CCNE2: variants seen among roughly 807,000 people sequenced by gnomAD.
CCNE2 encodes the protein G1/S-specific cyclin-E2.
CCNE2 carries 18 observed loss-of-function variants against 56.8 expected under a neutral mutation model. That is an observed-to-expected ratio of 0.32 (90% CI 0.22 to 0.47). CCNE2 has a LOEUF of 0.47. Among genes scored for constraint, CCNE2 ranks in the 20% least tolerant of loss-of-function variants. The probability of loss-of-function intolerance (pLI) is 1.00; values close to 1 mark genes in which losing one functional copy is unlikely to be tolerated. For missense variants in CCNE2, 371 were observed against 467.1 expected (o/e 0.79, Z 1.90); for synonymous variants, 139 against 149.2 (o/e 0.93, Z 0.50).
At position 94,880,843 on chromosome 8, in the gene CCNE2, T is replaced by C. The variant is rs1816782514; in HGVS notation, c.*789A>G. On this transcript the variant is annotated 3_prime_UTR_variant, in exon 12 of 12. Transcript: ENST00000308108. ...TAAATAGTTTGAAAGGGTACTTAAG[T>C]TTTTCACCCAAATTGTGATATACAA... is the stretch of plus-strand genomic sequence containing the variant. 5.0e-6 allele frequency: 2 copies of C among 398,552 alleles called. No individual in the cohort carries two copies. Among genetic ancestry groups the C allele is most frequent in the East Asian group, 7.1e-5 (2 of 27,986 alleles). The allele number at this position is 398,552 out of a possible 1,614,324, so 24.7% of individuals were successfully genotyped here. A position where few individuals can be genotyped will look rare whatever the true frequency, so the allele number is the denominator to read the frequency against.
chr8:94,881,056 T>C lies in CCNE2; in HGVS notation c.*576A>G, dbSNP rs1816790279. The C allele has an allele frequency of 5.0e-6, 2 of 398,200 alleles. No homozygotes were observed. Among genetic ancestry groups the C allele is most frequent in the East Asian group, 3.6e-5 (1 of 27,996 alleles). 24.7% of individuals were successfully genotyped at this position (398,200 alleles called of 1,614,324 possible). On this transcript the variant is annotated 3_prime_UTR_variant, in exon 12 of 12. Transcript: ENST00000308108. The stretch of plus-strand genomic sequence containing the variant: ...GGCAAATAAACTAGTTTAAAAAACA[T>C]TAAATTTCACCATTTGTAGAAATTC...
intron 5 of CCNE2, chr8:94,891,711 A>T: frequency 1.4e-6 from 1 of 733,328 alleles, no homozygotes; most frequent in Non-Finnish European, 2.3e-6. Context: ...ATGTCACTTT[A>T]CAGAAACAGC....
At chr8:94,890,596 T>G in intron 5 of CCNE2, 46 bp from the exon 6 acceptor site, 1 of 361,208 alleles carries the variant, frequency 2.8e-6, no homozygotes, top group Non-Finnish European at 3.8e-6. Context: ...TATATATTTT[T>G]TTTTTTTTTT....
At chr8:94,890,664 C>T (rs1379732640) in intron 5 of CCNE2, 114 bp from the exon 6 acceptor site, 4 of 253,772 alleles carry the variant, frequency 1.6e-5, no homozygotes, top group Non-Finnish European at 2.7e-5. Context: ...ACAATCTTGG[C>T]TCACTGTAAT....
chr8:94,895,317 T>G, upstream of CCNE2: 8 of 920,848 alleles, frequency 8.7e-6, no homozygotes, highest in African/African-American at 1.8e-5. Context: ...TCCGCCCGCG[T>G]GCCCGCGCGC....
chr8:94,894,955 T>C (rs956854708), intron 1 of CCNE2, among the ~76,000 whole-genome samples: 2 of 152,114 alleles, frequency 1.3e-5, no homozygotes, highest in Non-Finnish European at 2.9e-5. Context: ...GAGGGTGGGA[T>C]AGAGAAGCCC....
intron 7 of CCNE2, among the ~76,000 whole-genome samples, chr8:94,886,562 A>G (rs550316590): frequency 1.3e-5 from 2 of 151,110 alleles, no homozygotes; most frequent in African/African-American, 4.9e-5. Flanking sequence ...ATAGCCAGGC[A>G]TGGTGGTGGA....
rs1816815740 is a variant in CCNE2 at position 94,881,598 on chromosome 8, G to C, written c.*34C>G. On this transcript the variant is annotated 3_prime_UTR_variant, in exon 12 of 12. Coordinates refer to ENST00000308108, the MANE Select transcript of CCNE2 (RefSeq NM_057749.3). Reference sequence around the variant, plus strand: ...AGTGATACCAGTTCTACCCAATCTTGGTGAATTCCAACTTGTTTGCTTAGT... The same window carrying C: ...AGTGATACCAGTTCTACCCAATCTTCGTGAATTCCAACTTGTTTGCTTAGT... The C allele has an allele frequency of 6.2e-7, 1 of 1,606,920 alleles. No homozygotes were observed. The highest frequency in any genetic ancestry group is 1.3e-5 in the African/African-American group (1 of 74,432).
At position 94,880,390 on chromosome 8, in the gene CCNE2, C is replaced by A; in HGVS notation, c.*1242G>T. On this transcript the variant is annotated 3_prime_UTR_variant, in exon 12 of 12. Transcript: ENST00000308108. ...AATATTAGTTTAAAAACAAACTATA[C>A]AGAAGACTTCATACCGTAACAATAA... 2.1e-6 allele frequency: 1 copy of A among 487,696 alleles called. No individual in the cohort carries two copies. 30.2% of individuals were successfully genotyped at this position (487,696 alleles called of 1,614,324 possible). A position where few individuals can be genotyped will look rare whatever the true frequency, so the allele number is the denominator to read the frequency against.
rs990110106 is a variant in CCNE2, at chr8:94,894,305, T to C, written c.-26-58A>G. The C allele has an allele frequency of 8.8e-5, 138 of 1,566,942 alleles. No homozygotes were observed. The Middle Eastern group carries it at 2.5e-3, about 28-fold the overall frequency. The stretch of plus-strand genomic sequence containing the variant: ...TACATTGTCATTCACATTCTCCAAG[T>C]GCCAGTAAGACGCTGATTCGCAGGT... On this transcript the variant is annotated intron_variant, in intron 1 of 11. Coordinates refer to ENST00000308108, the MANE Select transcript of CCNE2 (RefSeq NM_057749.3).
rs1477872973 is a variant in CCNE2, at chr8:94,881,452, A to AAT, written c.*179_*180insAT. 5 of 589,868 alleles carry AAT rather than the reference A, an allele frequency of 8.5e-6. No homozygotes were observed. In the African/African-American group the frequency reaches 9.5e-5, roughly 11 times the overall value. The allele number at this position is 589,868 out of a possible 1,614,324, so 36.5% of individuals were successfully genotyped here. Reference sequence around the variant, plus strand: ...CTGTTTCTTTAACAGCTAACATAGGAAATAATTAAATGTATTCTTTAGTGC... The same window carrying AAT: ...CTGTTTCTTTAACAGCTAACATAGGAATAATAATTAAATGTATTCTTTAGTGC... On this transcript the variant is annotated 3_prime_UTR_variant, in exon 12 of 12. Transcript: ENST00000308108.
intron 8 of CCNE2, 73 bp from the exon 9 acceptor site, chr8:94,885,274 A>C: frequency 7.1e-7 from 1 of 1,403,562 alleles, no homozygotes; most frequent in Non-Finnish European, 1.0e-6. Flanking sequence ...CAGAGCTTAG[A>C]GGTTAAGTAC....
At chr8:94,890,308 T>G (rs1039634731) in intron 6 of CCNE2, 107 bp downstream of exon 6, 14 of 937,678 alleles carry the variant, frequency 1.5e-5, no homozygotes, top group Non-Finnish European at 1.9e-5. Flanking sequence ...AAAGACAGCT[T>G]CCTGGGGATG....
chr8:94,894,477 T>C, intron 1 of CCNE2: 1 of 542,550 alleles, frequency 1.8e-6, no homozygotes, highest in Non-Finnish European at 3.3e-6. Context: ...GTCCAAAAAT[T>C]TACCAAGCAC....
At chr8:94,894,334 A>C in intron 1 of CCNE2, 87 bp from the exon 2 acceptor site, 2 of 1,332,932 alleles carry the variant, frequency 1.5e-6, no homozygotes, top group Non-Finnish European at 2.1e-6. Flanking sequence ...CGCAGGTGAA[A>C]GCTCAGTCCC....
chr8:94,895,371 G>C (rs906560293), upstream of CCNE2: 2 of 507,456 alleles, frequency 3.9e-6, no homozygotes, highest in African/African-American at 4.2e-5. Context: ...GAGCGGCCGT[G>C]GGGTCCACTC....
chr8:94,891,763 A>ACC, intron 5 of CCNE2: 1 of 1,222,714 alleles, frequency 8.2e-7, no homozygotes, highest in African/African-American at 1.5e-5. Flanking sequence ...TGGTAGGTGT[A>ACC]CCCAGGCCAA....
Position 94,887,912 on chromosome 8 carries a change from C to A in CCNE2, c.600+15G>T. 1.3e-6 allele frequency: 2 copies of A among 1,532,658 alleles called. No individual in the cohort carries two copies. Among genetic ancestry groups the A allele is most frequent in the East Asian group, 2.4e-5 (1 of 41,800 alleles). 94.9% of individuals were successfully genotyped at this position (1,532,658 alleles called of 1,614,324 possible). A position where few individuals can be genotyped will look rare whatever the true frequency, so the allele number is the denominator to read the frequency against. Reference sequence around the variant, plus strand: ...TGGGATAAATATATCTAAGGATAAACTTTTAAGAACTTACCTCAAGTTTGG... The same window carrying A: ...TGGGATAAATATATCTAAGGATAAAATTTTAAGAACTTACCTCAAGTTTGG... On this transcript the variant is annotated intron_variant, in intron 7 of 11. Coordinates refer to ENST00000308108, the MANE Select transcript of CCNE2 (RefSeq NM_057749.3).
chr8:94,880,332 T>C lies in CCNE2; in HGVS notation c.*1300A>G, dbSNP rs1816759541. 2 of 613,072 alleles carry C rather than the reference T, an allele frequency of 3.3e-6. No individual in the cohort carries two copies. Among genetic ancestry groups the C allele is most frequent in the Non-Finnish European group, 5.7e-6 (2 of 353,192 alleles). 38.0% of individuals were successfully genotyped at this position (613,072 alleles called of 1,614,324 possible). A position where few individuals can be genotyped will look rare whatever the true frequency, so the allele number is the denominator to read the frequency against. On this transcript the variant is annotated 3_prime_UTR_variant, in exon 12 of 12. Coordinates refer to ENST00000308108, the MANE Select transcript of CCNE2 (RefSeq NM_057749.3). ...ATATAATACATATGTACACAATTAG[T>C]GGTGTTTTCTTTTCAGACAAAATAC...
Sources: gnomAD v4.1 joint callset for allele counts (sites outside exome capture counted in the v4.1 genomes callset) on GRCh38, gnomAD v4.1.1 for gene constraint, MANE v1.5 for transcripts, NCBI Gene and HGNC (gene_info 2026-07-23, HGNC 2026-07-21) for gene names.